The following CDH13 variants were observed in gnomAD, a reference collection of about 807,000 sequenced individuals.
The protein encoded by CDH13 is cadherin-13.
In CDH13, 24 loss-of-function variants were observed where a neutral mutation model predicts 63.8. The ratio of observed to expected loss-of-function variants is 0.38; its 90% CI spans 0.27 to 0.53. The LOEUF (loss-of-function observed/expected upper bound fraction) is 0.53, where lower values mean the gene tolerates loss of function less well. CDH13 is among the 20% of genes least tolerant of loss of function. CDH13 has a pLI of 0.85. For synonymous variants in CDH13, 503 were observed against 355.3 expected (o/e 1.42, Z -4.67); for missense variants, 1,049 against 903.1 (o/e 1.16, Z -2.07).
intron 6 of CDH13, chr16:83,383,287 G>C (rs796237122): frequency 2.0e-5 from 3 of 152,304 alleles, no homozygotes; most frequent in African/African-American, 7.2e-5. Flanking sequence ...CAAGGCTCAG[G>C]AATGTTAGCC....
At chr16:82,824,819 G>A (rs542156913) in intron 1 of CDH13, 2 of 152,264 alleles carry the variant, frequency 1.3e-5, no homozygotes, top group East Asian at 3.9e-4. Flanking sequence ...AAAATAGACT[G>A]CAAAAAAATT....
chr16:82,913,689 G>A (rs1479623896), intron 2 of CDH13, among the ~76,000 whole-genome samples: 5 of 152,112 alleles, frequency 3.3e-5, no homozygotes, highest in Non-Finnish European at 7.4e-5. Context: ...ATGGGGAGGA[G>A]GGACCACTGA....
intron 3 of CDH13, among the ~76,000 whole-genome samples, chr16:83,051,450 C>G (rs1960531658): frequency 1.3e-5 from 2 of 152,182 alleles, no homozygotes; most frequent in South Asian, 2.1e-4. Context: ...CAAACAAATG[C>G]TAGATACCAA....
chr16:83,185,953 T>A (rs896083978), intron 4 of CDH13, among the ~76,000 whole-genome samples: 1 of 152,300 alleles, frequency 6.6e-6, no homozygotes, highest in African/African-American at 2.4e-5. Flanking sequence ...ATCCCCTTTT[T>A]GTTTCTGTAT....
intron 2 of CDH13, among the ~76,000 whole-genome samples, chr16:82,880,459 G>T (rs1403890218): frequency 6.6e-6 from 1 of 152,184 alleles, no homozygotes; most frequent in Non-Finnish European, 1.5e-5. Context: ...ACATAGAAAG[G>T]TGATTTGAAT....
At chr16:83,253,259 G>T (rs1460633265) in intron 5 of CDH13, among the ~76,000 whole-genome samples, 2 of 152,104 alleles carry the variant, frequency 1.3e-5, no homozygotes, top group Non-Finnish European at 1.5e-5. Context: ...TTGTTTGTTG[G>T]GGGTGGGACT....
intron 11 of CDH13, among the ~76,000 whole-genome samples, chr16:83,750,113 T>C (rs1259771801): frequency 6.6e-6 from 1 of 152,080 alleles, no homozygotes; most frequent in Admixed American, 6.5e-5. Flanking sequence ...CTGGCCAATA[T>C]GGTGAAACCC....
intron 3 of CDH13, among the ~76,000 whole-genome samples, chr16:83,096,173 G>A (rs1228580238): frequency 1.3e-5 from 2 of 152,204 alleles, no homozygotes; most frequent in Admixed American, 6.5e-5. Flanking sequence ...AGCTATCATT[G>A]CGTACCAGGC....
At chr16:82,810,874 T>C (rs2037406634) in intron 1 of CDH13, among the ~76,000 whole-genome samples, 1 of 146,146 alleles carries the variant, frequency 6.8e-6, no homozygotes, top group Admixed American at 7.0e-5. Context: ...TGATTGTGAG[T>C]CAGGGGGAAA....
At position 82,971,636 on chromosome 16, in the gene CDH13, G is replaced by A. The variant is rs775712619; in HGVS notation, c.158-60374G>A. On this transcript the variant is annotated intron_variant, in intron 2 of 13. Transcript: ENST00000567109. ...GCGTTAAATGACAAGATGGCTGGGT[G>A]TAGTTCTGATATAAACTCTTCCCAA... 2.6e-5 allele frequency among the ~76,000 whole-genome samples: 4 copies of A among 152,202 alleles called. No individual in the cohort carries two copies. In the South Asian group the frequency reaches 6.2e-4, roughly 24 times the overall value.
At chr16:82,663,726 G>A (rs373924460) in intron 1 of CDH13, among the ~76,000 whole-genome samples, 15 of 152,108 alleles carry the variant, frequency 9.9e-5, no homozygotes, top group South Asian at 4.1e-4. Flanking sequence ...TGTCTGATTC[G>A]TGTCCATTTG....
intron 5 of CDH13, among the ~76,000 whole-genome samples, chr16:83,263,734 G>A (rs540401483): frequency 6.6e-6 from 1 of 152,270 alleles, no homozygotes; most frequent in African/African-American, 2.4e-5. Flanking sequence ...AACGGTGCAG[G>A]CAGGGAGAGT....
chr16:83,467,386 T>C (rs1227742839), intron 6 of CDH13, among the ~76,000 whole-genome samples: 1 of 152,170 alleles, frequency 6.6e-6, no homozygotes, highest in African/African-American at 2.4e-5. Context: ...TGTGAGCGGA[T>C]GTCACACATT....
intron 1 of CDH13, among the ~76,000 whole-genome samples, chr16:82,682,160 C>CT (rs1259933424): frequency 2.0e-5 from 3 of 152,320 alleles, no homozygotes; most frequent in African/African-American, 7.2e-5. Context: ...AATGATAAGA[C>CT]TGCCTTCACG....
chr16:83,236,231 GCACATGCACACACACACA>G (rs1326123215), intron 5 of CDH13, among the ~76,000 whole-genome samples: 3 of 43,250 alleles, frequency 6.9e-5, no homozygotes, highest in Admixed American at 3.6e-4. Flanking sequence ...CAACACACAC[GCACATGCACACACACACA>G]CACACACACA....
intron 2 of CDH13, among the ~76,000 whole-genome samples, chr16:82,930,387 C>G (rs1322836997): frequency 6.6e-6 from 1 of 152,028 alleles, no homozygotes; most frequent in Non-Finnish European, 1.5e-5. Context: ...CAGAGATGCA[C>G]CAGGTACTTT....
chr16:82,831,009 G>A (rs879817689), intron 1 of CDH13, among the ~76,000 whole-genome samples: 6 of 152,076 alleles, frequency 3.9e-5, no homozygotes, highest in Non-Finnish European at 8.8e-5. Flanking sequence ...TGAAGCTACG[G>A]CCCCCTTCTC....
intron 7 of CDH13, among the ~76,000 whole-genome samples, chr16:83,558,288 A>G (rs978381477): frequency 3.3e-5 from 5 of 152,214 alleles, no homozygotes; most frequent in African/African-American, 1.2e-4. Context: ...GGTACCAGTT[A>G]GCAGAGAGGG....
chr16:83,286,769 T>A (rs2089325766), intron 5 of CDH13, among the ~76,000 whole-genome samples: 3 of 94,418 alleles, frequency 3.2e-5, no homozygotes, highest in South Asian at 4.7e-4. Context: ...AAAAAAAAAA[T>A]GTATATATAT....
Sources: allele counts gnomAD v4.1 joint callset (sites outside exome capture counted in the v4.1 genomes callset), GRCh38; gene constraint gnomAD v4.1.1; transcripts MANE v1.5; gene names NCBI Gene and HGNC (gene_info 2026-07-23, HGNC 2026-07-21).